ERC2: variants seen among roughly 807,000 people sequenced by gnomAD.
The protein encoded by ERC2 is ERC protein 2.
A neutral mutation model predicts 114.8 loss-of-function variants in ERC2; 42 were observed. The ratio of observed to expected loss-of-function variants is 0.37; its 90% CI spans 0.29 to 0.47. The LOEUF is 0.47. ERC2 is among the 20% of genes least tolerant of loss of function. ERC2 has a pLI of 0.99. For missense variants in ERC2, 939 were observed against 1,150.7 expected, an observed-to-expected ratio of 0.82 and a Z score of 2.66; for synonymous variants, 454 against 425.5, an observed-to-expected ratio of 1.07 and a Z score of -0.82.
chr3:56,411,793 A>G (rs2060949883), intron 2 of ERC2, among the ~76,000 whole-genome samples: 1 of 152,112 alleles, frequency 6.6e-6, no homozygotes, highest in Admixed American at 6.5e-5. Context: ...CAGAGCTATG[A>G]ACTCCAGATA....
At chr3:56,027,622 G>A (rs755409845) in intron 7 of ERC2, among the ~76,000 whole-genome samples, 8 of 151,860 alleles carry the variant, frequency 5.3e-5, no homozygotes, top group Non-Finnish European at 1.0e-4. Flanking sequence ...AGTCTCCTTC[G>A]GTAAAATGTC....
intron 13 of ERC2, among the ~76,000 whole-genome samples, chr3:55,914,803 C>T (rs979820648): frequency 2.4e-4 from 37 of 152,146 alleles, no homozygotes; most frequent in Non-Finnish European, 2.9e-5. Flanking sequence ...AAACTAGACA[C>T]CCACCATTGC....
At chr3:55,772,874 C>T (rs558554014) in intron 14 of ERC2, among the ~76,000 whole-genome samples, 2 of 152,294 alleles carry the variant, frequency 1.3e-5, no homozygotes, top group Admixed American at 1.3e-4. Context: ...TGCTCCCTGC[C>T]CCTGTACCCA....
intron 2 of ERC2, among the ~76,000 whole-genome samples, chr3:56,394,199 T>G (rs2106873738): frequency 6.6e-6 from 1 of 152,300 alleles, no homozygotes; most frequent in Admixed American, 6.5e-5. Flanking sequence ...GTAGGCAAAA[T>G]AAGCATGTTT....
At chr3:56,211,990 T>C (rs145491940) in intron 3 of ERC2, among the ~76,000 whole-genome samples, 86 of 152,166 alleles carry the variant, frequency 5.7e-4, no homozygotes, top group African/African-American at 2.0e-3. Context: ...ACCATAAACA[T>C]TCTAGAAGAT....
chr3:56,411,819 C>T (rs2060950926), intron 2 of ERC2, among the ~76,000 whole-genome samples: 1 of 152,170 alleles, frequency 6.6e-6, no homozygotes, highest in Admixed American at 6.5e-5. Flanking sequence ...TTCTTAACCA[C>T]TGCACCAAAC....
Position 56,109,413 on chromosome 3 carries a change from A to G in ERC2, c.1474-28429T>C, listed in dbSNP as rs75094052. ...TATATGTACCACATTTTCTTTATCC[A>G]ATCTGTTACTGATGGGCATTTAGGT... On this transcript the variant is annotated intron_variant, in intron 6 of 17. Coordinates refer to ENST00000288221, the MANE Select transcript of ERC2 (RefSeq NM_015576.3). Among the ~76,000 whole-genome samples, 58 of 152,178 alleles carry G rather than the reference A, an allele frequency of 3.8e-4. No homozygotes were observed. In the East Asian group the frequency reaches 9.8e-3, roughly 26 times the overall value.
intron 3 of ERC2, among the ~76,000 whole-genome samples, chr3:56,277,658 C>G (rs1344221794): frequency 6.6e-6 from 1 of 151,928 alleles, no homozygotes; most frequent in East Asian, 1.9e-4. Flanking sequence ...AAAACTGACT[C>G]CTAAATGGTG....
intron 7 of ERC2, among the ~76,000 whole-genome samples, chr3:56,048,223 G>T (rs75590616): frequency 4.4e-4 from 67 of 152,220 alleles, no homozygotes; most frequent in African/African-American, 1.5e-3. Context: ...AGGAACAGAG[G>T]GGGCAGGAAG....
At chr3:55,534,896 A>G (rs1426780267) in intron 17 of ERC2, among the ~76,000 whole-genome samples, 1 of 152,186 alleles carries the variant, frequency 6.6e-6, no homozygotes, top group Non-Finnish European at 1.5e-5. Context: ...CATGGTTTTG[A>G]GAGGAAATGG....
At chr3:56,256,052 A>ATC (rs1325167862) in intron 3 of ERC2, among the ~76,000 whole-genome samples, 1 of 152,220 alleles carries the variant, frequency 6.6e-6, no homozygotes, top group African/African-American at 2.4e-5. Flanking sequence ...AAGAAAAATC[A>ATC]TCTCTCTTTC....
In ERC2 at chr3:55,933,682, C is replaced by T. The variant is rs57478957; in HGVS notation, c.2403+16743G>A. Among the ~76,000 whole-genome samples, 1,144 of 152,284 alleles carry T rather than the reference C, an allele frequency of 7.5e-3. 8 individuals carry two copies. The highest frequency in any genetic ancestry group is 0.031 in the Middle Eastern group (9 of 294). ...TGGCTCAAACCAACTGCAGGCAAAC[C>T]GCGTGGCCACAGGAGCCGTGCCATT... is the stretch of plus-strand genomic sequence containing the variant. On this transcript the variant is annotated intron_variant, in intron 13 of 17. Coordinates refer to ENST00000288221, the MANE Select transcript of ERC2 (RefSeq NM_015576.3).
intron 6 of ERC2, among the ~76,000 whole-genome samples, chr3:56,087,177 ATTTGTG>A (rs1284832516): frequency 9.9e-6 from 1 of 101,262 alleles, no homozygotes; most frequent in Non-Finnish European, 2.0e-5. Context: ...CTTTTGATCC[ATTTGTG>A]TGTGTGTGTG....
chr3:55,952,386 C>T (rs1211617385), intron 12 of ERC2, among the ~76,000 whole-genome samples: 1 of 151,870 alleles, frequency 6.6e-6, no homozygotes, highest in Non-Finnish European at 1.5e-5. Flanking sequence ...CCTGATACAG[C>T]AACATACACA....
chr3:56,279,596 A>T (rs1224941208), intron 3 of ERC2, among the ~76,000 whole-genome samples: 1 of 152,194 alleles, frequency 6.6e-6, no homozygotes, highest in African/African-American at 2.4e-5. Context: ...AGAAAGGAAA[A>T]GTAGGTGATA....
intron 1 of ERC2, among the ~76,000 whole-genome samples, chr3:56,438,840 C>T (rs181889807): frequency 6.6e-6 from 1 of 152,172 alleles, no homozygotes; most frequent in Admixed American, 6.5e-5. Context: ...CCTACCTGGC[C>T]AAGGCTTTGG....
At chr3:56,006,621 C>G (rs1238113526) in intron 10 of ERC2, among the ~76,000 whole-genome samples, 2 of 152,054 alleles carry the variant, frequency 1.3e-5, no homozygotes, top group Non-Finnish European at 2.9e-5. Flanking sequence ...TGTAAATATC[C>G]TATTTCTTTT....
At chr3:56,046,641 C>T (rs1354250635) in intron 7 of ERC2, among the ~76,000 whole-genome samples, 3 of 152,176 alleles carry the variant, frequency 2.0e-5, no homozygotes, top group African/African-American at 7.2e-5. Context: ...TTCTAATGGA[C>T]AGAGTGTCAG....
chr3:56,419,017 C>T lies in ERC2; in HGVS notation c.657+15334G>A, dbSNP rs948003425. On this transcript the variant is annotated intron_variant, in intron 2 of 17. Coordinates refer to ENST00000288221, the MANE Select transcript of ERC2 (RefSeq NM_015576.3). ...CAAGTTCCAAGGTAGAGTCAACTAC[C>T]CATAACCAACAAGATATATCACTGC... Among the ~76,000 whole-genome samples, 4 of 152,290 alleles carry T rather than the reference C, an allele frequency of 2.6e-5. No homozygotes were observed. The East Asian group carries it at 5.8e-4, about 22-fold the overall frequency.
Sources: allele counts gnomAD v4.1 joint callset (sites outside exome capture counted in the v4.1 genomes callset), GRCh38; gene constraint gnomAD v4.1.1; transcripts MANE v1.5; gene names NCBI Gene and HGNC (gene_info 2026-07-23, HGNC 2026-07-21).